The following WWOX variants were observed in gnomAD, a reference collection of about 807,000 sequenced individuals.
WWOX encodes the protein WW domain-containing oxidoreductase.
In WWOX, 69 loss-of-function variants were observed where a neutral mutation model predicts 46.2. The observed-to-expected ratio is 1.49, with a 90% CI of 1.23 to 1.82. WWOX has a LOEUF of 1.82. WWOX is among the 40% of genes most tolerant of loss of function. The pLI is 0.00. For synonymous variants in WWOX, 359 were observed against 202.6 expected (o/e 1.77, Z -6.56); for missense variants, 919 against 542.6 (o/e 1.69, Z -6.89).
chr16:78,228,884 A>G (rs2037157058), intron 5 of WWOX, among the ~76,000 whole-genome samples: 1 of 152,152 alleles, frequency 6.6e-6, no homozygotes, highest in African/African-American at 2.4e-5. Flanking sequence ...GTGTCCGTAA[A>G]CTTCAACTTA....
rs946854597 is a variant in WWOX at position 78,153,423 on chromosome 16, A to T, written c.410-10760A>T. Among the ~76,000 whole-genome samples the T allele has an allele frequency of 6.6e-5, 10 of 152,280 alleles. No homozygotes were observed. In the East Asian group the frequency reaches 1.9e-3, roughly 30 times the overall value. On this transcript the variant is annotated intron_variant, in intron 4 of 8. Coordinates refer to ENST00000566780, the MANE Select transcript of WWOX (RefSeq NM_016373.4). ...TCATCCTTAAAGATAGTAGTCTGTT[A>T]ATACAAAAACAGTCCCCACATTTGC...
At chr16:78,611,946 A>T (rs1472763908) in intron 8 of WWOX, among the ~76,000 whole-genome samples, 1 of 152,230 alleles carries the variant, frequency 6.6e-6, no homozygotes, top group Non-Finnish European at 1.5e-5. Flanking sequence ...TAGGAAGGGT[A>T]GCAAAGAACA....
chr16:78,967,144 A>G (rs1338643794), intron 8 of WWOX, among the ~76,000 whole-genome samples: 1 of 152,012 alleles, frequency 6.6e-6, no homozygotes, highest in East Asian at 1.9e-4. Flanking sequence ...TGTTTTCCCA[A>G]GTTTACCTGC....
chr16:78,381,379 G>C, intron 5 of WWOX, among the ~76,000 whole-genome samples: 1 of 152,152 alleles, frequency 6.6e-6, no homozygotes, highest in East Asian at 1.9e-4. Flanking sequence ...AGTGAACTGT[G>C]CTACTGATGA....
chr16:78,479,033 A>G (rs972152752), intron 8 of WWOX, among the ~76,000 whole-genome samples: 7 of 152,238 alleles, frequency 4.6e-5, no homozygotes, highest in East Asian at 3.8e-4. Flanking sequence ...GGAATCACCA[A>G]TTTAGATATC....
At chr16:79,188,799 G>GTGTT (rs1597458885) in intron 8 of WWOX, among the ~76,000 whole-genome samples, 1 of 152,198 alleles carries the variant, frequency 6.6e-6, no homozygotes, top group African/African-American at 2.4e-5. Flanking sequence ...GTGGGGTTCA[G>GTGTT]TGTTTGCTTT....
intron 8 of WWOX, among the ~76,000 whole-genome samples, chr16:79,085,473 C>T (rs1290287966): frequency 6.6e-6 from 1 of 152,076 alleles, no homozygotes; most frequent in Non-Finnish European, 1.5e-5. Flanking sequence ...TGGGCACAGC[C>T]TCAGGTTTTG....
chr16:78,534,148 A>T (rs1194231421), intron 8 of WWOX, among the ~76,000 whole-genome samples: 1 of 152,178 alleles, frequency 6.6e-6, no homozygotes, highest in East Asian at 1.9e-4. Flanking sequence ...CTACTTTTTA[A>T]AGTGTGGACA....
At chr16:78,672,344 C>T (rs752837836) in intron 8 of WWOX, among the ~76,000 whole-genome samples, 3 of 152,192 alleles carry the variant, frequency 2.0e-5, no homozygotes, top group East Asian at 1.9e-4. Flanking sequence ...TGCTTGTTAA[C>T]TTTGCACTCT....
At chr16:78,833,050 T>C (rs550401784) in intron 8 of WWOX, among the ~76,000 whole-genome samples, 159 of 128,894 alleles carry the variant, frequency 1.2e-3, no homozygotes, top group African/African-American at 4.2e-3. Flanking sequence ...TTTTTTTTTT[T>C]TCCTTTCTTA....
At chr16:78,484,196 G>C (rs1567599770) in intron 8 of WWOX, among the ~76,000 whole-genome samples, 2 of 151,544 alleles carry the variant, frequency 1.3e-5, no homozygotes, top group South Asian at 4.2e-4. Context: ...TACTGCATAG[G>C]CTGGAATAGA....
At chr16:79,074,297 G>A (rs183250771) in intron 8 of WWOX, among the ~76,000 whole-genome samples, 1 of 151,654 alleles carries the variant, frequency 6.6e-6, no homozygotes, top group Admixed American at 6.6e-5. Context: ...AATGATGGTT[G>A]GCTGTCACCC....
chr16:79,138,928 G>A (rs1193669501), intron 8 of WWOX, among the ~76,000 whole-genome samples: 1 of 152,130 alleles, frequency 6.6e-6, no homozygotes, highest in Non-Finnish European at 1.5e-5. Context: ...TTCGACCAGG[G>A]TAAGGCTTAC....
At chr16:78,443,113 G>A (rs890391056) in intron 8 of WWOX, among the ~76,000 whole-genome samples, 3 of 139,682 alleles carry the variant, frequency 2.1e-5, no homozygotes, top group Non-Finnish European at 3.0e-5. Flanking sequence ...TCCAGCCTGC[G>A]TGACAGAGCG....
At chr16:78,538,130 C>T (rs551223968) in intron 8 of WWOX, among the ~76,000 whole-genome samples, 3 of 146,000 alleles carry the variant, frequency 2.1e-5, no homozygotes, top group Non-Finnish European at 3.0e-5. Flanking sequence ...TTGGCAGTTA[C>T]CTGAAAGAAA....
intron 8 of WWOX, among the ~76,000 whole-genome samples, chr16:78,883,262 C>G (rs1597102680): frequency 6.6e-6 from 1 of 152,084 alleles, no homozygotes; most frequent in Non-Finnish European, 1.5e-5. Flanking sequence ...CTGAACCCAT[C>G]TGGACCCTCT....
chr16:78,743,914 C>G (rs866728300), intron 8 of WWOX, among the ~76,000 whole-genome samples: 13 of 152,124 alleles, frequency 8.5e-5, no homozygotes, highest in Admixed American at 2.0e-4. Flanking sequence ...GCTCTTGAGC[C>G]TCTATGCTTG....
chr16:79,156,222 TAC>T (rs1567587211), intron 8 of WWOX, among the ~76,000 whole-genome samples: 1 of 152,096 alleles, frequency 6.6e-6, no homozygotes, highest in Non-Finnish European at 1.5e-5. Flanking sequence ...AGTGCAGTGG[TAC>T]AATTTCAGCT....
intron 8 of WWOX, among the ~76,000 whole-genome samples, chr16:79,189,528 T>C (rs2051089062): frequency 6.6e-6 from 1 of 151,418 alleles, no homozygotes; most frequent in African/African-American, 2.4e-5. Flanking sequence ...CTCAAACTCC[T>C]AGCTTCAAGC....
Sources: allele counts gnomAD v4.1 joint callset (sites outside exome capture counted in the v4.1 genomes callset), GRCh38; gene constraint gnomAD v4.1.1; transcripts MANE v1.5; gene names NCBI Gene and HGNC (gene_info 2026-07-23, HGNC 2026-07-21).